The following MARCHF3 variants were observed in gnomAD, a reference collection of about 807,000 sequenced individuals.
The protein encoded by MARCHF3 is membrane associated ring-CH-type finger 3.
MARCHF3 carries 13 observed loss-of-function variants against 24.2 expected under a neutral mutation model. That is an observed-to-expected ratio of 0.54 (90% CI 0.35 to 0.85). MARCHF3 has a LOEUF of 0.85. MARCHF3 is among the 40% of genes least tolerant of loss of function. The probability of loss-of-function intolerance (pLI) is 0.01; values close to 1 mark genes in which losing one functional copy is unlikely to be tolerated. For missense variants in MARCHF3, 276 were observed against 325.0 expected, an observed-to-expected ratio of 0.85 and a Z score of 1.16; for synonymous variants, 144 against 137.3, an observed-to-expected ratio of 1.05 and a Z score of -0.34.
chr5:126,950,140 T>C (rs986159386), intron 1 of MARCHF3, among the ~76,000 whole-genome samples: 1 of 152,186 alleles, frequency 6.6e-6, no homozygotes, highest in Non-Finnish European at 1.5e-5. Context: ...CCCATCATTA[T>C]AATCAACCTC....
chr5:126,946,125 C>T (rs11738569), intron 1 of MARCHF3, among the ~76,000 whole-genome samples: 30,621 of 151,936 alleles, frequency 0.2, 3,594 homozygotes, highest in Non-Finnish European at 0.27. Context: ...AATCCCAGCA[C>T]TTTGGGAGGC....
chr5:126,958,168 T>C (rs969646012), intron 1 of MARCHF3, among the ~76,000 whole-genome samples: 3 of 152,174 alleles, frequency 2.0e-5, no homozygotes, highest in African/African-American at 7.2e-5. Flanking sequence ...ATACAAATCA[T>C]GGCTATCTTT....
chr5:126,973,879 ATTTTTTTTTTTT>A (rs10585434), intron 1 of MARCHF3, among the ~76,000 whole-genome samples: 69 of 82,984 alleles, frequency 8.3e-4, no homozygotes, highest in African/African-American at 2.2e-3. Flanking sequence ...AGCAAAATCT[ATTTTTTTTTTTT>A]TTTTTTTTTT....
intron 1 of MARCHF3, among the ~76,000 whole-genome samples, chr5:127,018,679 T>C (rs75964519): frequency 0.02 from 3,096 of 151,984 alleles, 73 homozygotes; most frequent in South Asian, 0.12. Flanking sequence ...GGCTGGAAAA[T>C]TGAGTGAGGG....
chr5:126,988,217 G>C (rs1044081108), intron 1 of MARCHF3, among the ~76,000 whole-genome samples: 8 of 151,936 alleles, frequency 5.3e-5, no homozygotes, highest in African/African-American at 1.7e-4. Context: ...GTCTTGATCT[G>C]AAAGTGAAAC....
intron 1 of MARCHF3, among the ~76,000 whole-genome samples, chr5:126,946,589 C>A (rs906889320): frequency 1.1e-4 from 16 of 151,946 alleles, no homozygotes; most frequent in African/African-American, 3.9e-4. Flanking sequence ...TCCTACCCCA[C>A]CAGGAACTGG....
At chr5:126,959,127 G>C (rs76871652) in intron 1 of MARCHF3, among the ~76,000 whole-genome samples, 1,535 of 152,158 alleles carry the variant, frequency 0.01, 76 homozygotes, top group East Asian at 0.084. Context: ...AAAGGCTATA[G>C]TATGGAAAGG....
chr5:126,983,353 G>C (rs1472551060), intron 1 of MARCHF3, among the ~76,000 whole-genome samples: 1 of 152,204 alleles, frequency 6.6e-6, no homozygotes, highest in African/African-American at 2.4e-5. Context: ...TCAGGGGACA[G>C]GAACTAGCCC....
intron 1 of MARCHF3, among the ~76,000 whole-genome samples, chr5:127,008,141 A>C (rs1245063704): frequency 6.6e-6 from 1 of 152,208 alleles, no homozygotes; most frequent in Non-Finnish European, 1.5e-5. Flanking sequence ...TTGAAGTTGT[A>C]GTATTTTCTT....
chr5:126,931,342 C>T lies in MARCHF3; in HGVS notation c.-56-13115G>A, dbSNP rs187530113. 3.3e-5 allele frequency among the ~76,000 whole-genome samples: 5 copies of T among 152,170 alleles called. 1 individual carries two copies. Among genetic ancestry groups the T allele is most frequent in the Middle Eastern group, 6.8e-3 (2 of 294 alleles). On this transcript the variant is annotated intron_variant, in intron 1 of 4. Coordinates refer to ENST00000308660, the MANE Select transcript of MARCHF3 (RefSeq NM_178450.5). Reference sequence around the variant, plus strand: ...TGACTCTGTAAGTGGAGGACTTTCACGCATTTTGAAAAAGAGCAAATACTT... The same window carrying T: ...TGACTCTGTAAGTGGAGGACTTTCATGCATTTTGAAAAAGAGCAAATACTT...
chr5:126,951,673 T>C (rs1026625393), intron 1 of MARCHF3, among the ~76,000 whole-genome samples: 2 of 152,192 alleles, frequency 1.3e-5, no homozygotes, highest in Non-Finnish European at 2.9e-5. Context: ...ATTTCTCTGC[T>C]GGCTAAGTTC....
At position 126,891,972 on chromosome 5, in the gene MARCHF3, T is replaced by C. The variant is rs955803308; in HGVS notation, c.394-13578A>G. Among the ~76,000 whole-genome samples the C allele has an allele frequency of 1.4e-3, 206 of 151,048 alleles. 1 individual carries two copies. In the Middle Eastern group the frequency reaches 0.037, roughly 27 times the overall value. On this transcript the variant is annotated intron_variant, in intron 3 of 4. Transcript: ENST00000308660. ...TATCCTCTTTTATTTCCTTGAGCAG[T>C]GGTTTGTAGTTCTCCTTGAAGAGGT... is the stretch of plus-strand genomic sequence containing the variant.
chr5:126,946,790 G>C (rs887353510), intron 1 of MARCHF3, among the ~76,000 whole-genome samples: 3 of 151,398 alleles, frequency 2.0e-5, no homozygotes, highest in African/African-American at 4.9e-5. Flanking sequence ...GTGTGTGTGT[G>C]TGTGTGTCTG....
At chr5:127,011,774 T>C (rs1446297235) in intron 1 of MARCHF3, among the ~76,000 whole-genome samples, 1 of 152,234 alleles carries the variant, frequency 6.6e-6, no homozygotes, top group African/African-American at 2.4e-5. Flanking sequence ...ACCAGGTGAA[T>C]CTACAGCTAT....
At chr5:126,988,856 C>A (rs995486385) in intron 1 of MARCHF3, among the ~76,000 whole-genome samples, 1 of 152,080 alleles carries the variant, frequency 6.6e-6, no homozygotes, top group Non-Finnish European at 1.5e-5. Flanking sequence ...ATAAGCATTT[C>A]TGTGCTATTT....
chr5:126,921,423 G>A (rs1749103806), intron 1 of MARCHF3, among the ~76,000 whole-genome samples: 2 of 152,178 alleles, frequency 1.3e-5, no homozygotes, highest in African/African-American at 2.4e-5. Context: ...GCAGGCAGGA[G>A]CGGACCTCAC....
intron 4 of MARCHF3, among the ~76,000 whole-genome samples, chr5:126,874,587 A>T (rs1483584036): frequency 8.6e-6 from 1 of 116,168 alleles, no homozygotes; most frequent in Non-Finnish European, 1.6e-5. Context: ...ACTCCCTCTC[A>T]AAAAAAAAAA....
chr5:127,002,689 G>A (rs1752167395), intron 1 of MARCHF3, among the ~76,000 whole-genome samples: 1 of 152,198 alleles, frequency 6.6e-6, no homozygotes, highest in Non-Finnish European at 1.5e-5. Context: ...ATTTTCCAGA[G>A]CCTGGACAAC....
At chr5:126,933,606 G>A (rs866878581) in intron 1 of MARCHF3, among the ~76,000 whole-genome samples, 71 of 151,982 alleles carry the variant, frequency 4.7e-4, no homozygotes, top group African/African-American at 1.6e-3. Context: ...CACCACGCTC[G>A]GCTAATTTTT....
Sources: allele counts gnomAD v4.1 joint callset (sites outside exome capture counted in the v4.1 genomes callset), GRCh38; gene constraint gnomAD v4.1.1; transcripts MANE v1.5; gene names NCBI Gene and HGNC (gene_info 2026-07-23, HGNC 2026-07-21).